The following CACNA2D3 variants were observed in gnomAD, a reference collection of about 807,000 sequenced individuals.
CACNA2D3 encodes the protein voltage-dependent calcium channel subunit alpha-2/delta-3.
Under a neutral mutation model 160.6 loss-of-function variants are expected in CACNA2D3, and 60 were observed. The observed-to-expected ratio is 0.37, with a 90% CI of 0.30 to 0.46. CACNA2D3 has a LOEUF of 0.46. Ranked by LOEUF, CACNA2D3 falls within the 20% of genes least tolerant of loss-of-function variation. The pLI is 1.00. For missense variants in CACNA2D3, 1,205 were observed against 1,365.0 expected (o/e 0.88, Z 1.85); for synonymous variants, 558 against 492.9 (o/e 1.13, Z -1.75).
At chr3:54,566,291 A>G (rs761822270) in intron 6 of CACNA2D3, among the ~76,000 whole-genome samples, 1 of 152,096 alleles carries the variant, frequency 6.6e-6, no homozygotes, top group African/African-American at 2.4e-5. Context: ...GGGCATGCCC[A>G]TCTGTTGGCT....
intron 11 of CACNA2D3, among the ~76,000 whole-genome samples, chr3:54,739,875 T>C (rs1323017418): frequency 6.6e-6 from 1 of 152,076 alleles, no homozygotes; most frequent in Middle Eastern, 3.2e-3. Flanking sequence ...ACATATATTT[T>C]CTTCATATTC....
intron 14 of CACNA2D3, 24 bp downstream of exon 14, chr3:54,816,894 C>G: frequency 1.2e-6 from 2 of 1,613,414 alleles, no homozygotes; most frequent in Non-Finnish European, 1.7e-6. Flanking sequence ...TGTCACATTC[C>G]AGTCACCCCC....
At chr3:54,627,545 G>A (rs1699150313) in intron 9 of CACNA2D3, among the ~76,000 whole-genome samples, 1 of 152,182 alleles carries the variant, frequency 6.6e-6, no homozygotes, top group African/African-American at 2.4e-5. Context: ...TGAATTAAAT[G>A]CTTTTCACCA....
At chr3:54,915,795 G>T (rs1444393134) in intron 27 of CACNA2D3, among the ~76,000 whole-genome samples, 1 of 152,212 alleles carries the variant, frequency 6.6e-6, no homozygotes, top group Non-Finnish European at 1.5e-5. Context: ...ACTGCTGTTT[G>T]TGGTGACTGT....
intron 4 of CACNA2D3, among the ~76,000 whole-genome samples, chr3:54,464,423 C>G (rs1258355373): frequency 2.0e-5 from 3 of 152,232 alleles, no homozygotes; most frequent in Non-Finnish European, 4.4e-5. Flanking sequence ...GTGGTGGGCT[C>G]CACCCAGTTC....
At chr3:54,800,651 T>A (rs540769518) in intron 13 of CACNA2D3, among the ~76,000 whole-genome samples, 8 of 152,210 alleles carry the variant, frequency 5.3e-5, no homozygotes, top group Admixed American at 4.6e-4. Context: ...CCATTAATAA[T>A]GCACATTTTT....
Position 54,571,451 on chromosome 3 carries a change from G to A in CACNA2D3, c.888+1347G>A, listed in dbSNP as rs1333858900. Among the ~76,000 whole-genome samples, 4 of 152,102 alleles carry A rather than the reference G, an allele frequency of 2.6e-5. No individual in the cohort carries two copies. In the East Asian group the frequency reaches 7.8e-4, roughly 30 times the overall value. On this transcript the variant is annotated intron_variant, in intron 8 of 37. Coordinates refer to ENST00000474759, the MANE Select transcript of CACNA2D3 (RefSeq NM_018398.3). Reference sequence around the variant, plus strand: ...AAGTCCATTCAGATGGTTGGGGGGGGTCTTAGAATTTTATTTTTGGTTTAC... The same window carrying A: ...AAGTCCATTCAGATGGTTGGGGGGGATCTTAGAATTTTATTTTTGGTTTAC...
At chr3:54,786,129 T>C (rs1197211485) in intron 13 of CACNA2D3, among the ~76,000 whole-genome samples, 3 of 152,252 alleles carry the variant, frequency 2.0e-5, no homozygotes, top group East Asian at 1.9e-4. Flanking sequence ...TACTCTCTCA[T>C]AGAACCACTT....
intron 2 of CACNA2D3, among the ~76,000 whole-genome samples, chr3:54,241,147 G>T (rs1273053446): frequency 6.6e-6 from 1 of 152,088 alleles, no homozygotes; most frequent in Non-Finnish European, 1.5e-5. Context: ...GCCCTCTTGG[G>T]GTCAGTCTAT....
At chr3:54,364,936 A>G (rs1698804306) in intron 3 of CACNA2D3, among the ~76,000 whole-genome samples, 1 of 152,238 alleles carries the variant, frequency 6.6e-6, no homozygotes, top group African/African-American at 2.4e-5. Context: ...CTTAGTATGT[A>G]CCATCTCATG....
At chr3:55,004,406 C>A (rs1421742495) in intron 31 of CACNA2D3, among the ~76,000 whole-genome samples, 1 of 152,182 alleles carries the variant, frequency 6.6e-6, no homozygotes, top group Non-Finnish European at 1.5e-5. Context: ...CAAGTAAATT[C>A]CATCCGGGTC....
intron 5 of CACNA2D3, among the ~76,000 whole-genome samples, chr3:54,559,797 T>C (rs1702297654): frequency 6.6e-6 from 1 of 152,222 alleles, no homozygotes; most frequent in Non-Finnish European, 1.5e-5. Flanking sequence ...TATGTGTCCA[T>C]GTGTTCTCAT....
intron 11 of CACNA2D3, among the ~76,000 whole-genome samples, chr3:54,739,438 A>AG (rs1559564935): frequency 6.7e-6 from 1 of 149,104 alleles, no homozygotes; most frequent in African/African-American, 2.5e-5. Flanking sequence ...AAAAAAAAAA[A>AG]AAACAAAAAA....
At chr3:54,753,350 C>T (rs894757294) in intron 12 of CACNA2D3, among the ~76,000 whole-genome samples, 5 of 152,138 alleles carry the variant, frequency 3.3e-5, no homozygotes, top group South Asian at 2.1e-4. Context: ...GCCAATAGGG[C>T]GGGAGTGAAA....
In CACNA2D3 at chr3:54,320,516, G is replaced by A. The variant is rs766693811; in HGVS notation, c.279G>A (p.Lys93=). The change falls in exon 3 of 38, where the codon AAG becomes AAA. Residue 93 remains lysine (K), a synonymous_variant. Transcript: ENST00000474759. ...TCCAACTGGTAAAGAAGCTGGCAAA[G>A]AACATGGAAGAGATGTTTCACAAGA... ...DGLQLVKKLA[K]NMEEMFHKKS... 9.6e-6 allele frequency: 15 copies of A among 1,568,370 alleles called. No individual in the cohort carries two copies. In the South Asian group the frequency reaches 1.8e-4, roughly 18 times the overall value.
chr3:54,785,262 T>C (rs1702614323), intron 13 of CACNA2D3, among the ~76,000 whole-genome samples: 1 of 152,170 alleles, frequency 6.6e-6, no homozygotes. Flanking sequence ...AGATGTCCAT[T>C]TTGATTTTTT....
chr3:55,000,573 AAAAT>A (rs1004977584), intron 31 of CACNA2D3, among the ~76,000 whole-genome samples: 4 of 152,228 alleles, frequency 2.6e-5, no homozygotes, highest in African/African-American at 9.6e-5. Context: ...GTAATATTTA[AAAAT>A]AAATAAATAA....
At chr3:54,302,242 C>A (rs1050190536) in intron 2 of CACNA2D3, among the ~76,000 whole-genome samples, 3 of 152,218 alleles carry the variant, frequency 2.0e-5, no homozygotes, top group African/African-American at 7.2e-5. Flanking sequence ...ATAATTCCAG[C>A]ATCTCTCAGG....
In CACNA2D3 at chr3:54,879,005, T is replaced by A; in HGVS notation, c.1711-13T>A. ...CAGGGAAGAACTAACACACTTTTCTTTTATCATTTTAGTTGAGAAATGCTA... is the reference window on the plus strand; with the variant it reads ...CAGGGAAGAACTAACACACTTTTCTATTATCATTTTAGTTGAGAAATGCTA... On this transcript the variant is annotated splice_polypyrimidine_tract_variant and intron_variant, in intron 18 of 37. Transcript: ENST00000474759. 2 of 1,571,310 alleles carry A rather than the reference T, an allele frequency of 1.3e-6. No individual in the cohort carries two copies. The highest frequency in any genetic ancestry group is 1.7e-6 in the Non-Finnish European group (2 of 1,154,532).
Sources: allele counts gnomAD v4.1 joint callset (sites outside exome capture counted in the v4.1 genomes callset), GRCh38; gene constraint gnomAD v4.1.1; transcripts MANE v1.5; gene names NCBI Gene and HGNC (gene_info 2026-07-23, HGNC 2026-07-21).